The following EDEM1 variants were observed in gnomAD, a reference collection of about 807,000 sequenced individuals.
The protein encoded by EDEM1 is ER degradation enhancing alpha-mannosidase like protein 1.
Under a neutral mutation model 74.4 loss-of-function variants are expected in EDEM1, and 67 were observed. The observed-to-expected ratio is 0.90, with a 90% CI of 0.74 to 1.10. The LOEUF is 1.10. Among genes scored for constraint, EDEM1 ranks in the 50% least tolerant of loss-of-function variants. The pLI is 0.00. For synonymous variants in EDEM1, 382 were observed against 335.9 expected (o/e 1.14, Z -1.50); for missense variants, 926 against 851.6 (o/e 1.09, Z -1.09).
At chr3:5,205,352 C>T in intron 6 of EDEM1, 111 bp downstream of exon 6, 2 of 1,048,360 alleles carry the variant, frequency 1.9e-6, no homozygotes, top group Admixed American at 2.6e-5. Context: ...TCTCTGCCCT[C>T]ACCTTACCAC....
intron 11 of EDEM1, among the ~76,000 whole-genome samples, chr3:5,215,302 G>A (rs531269586): frequency 4.0e-5 from 6 of 150,898 alleles, no homozygotes; most frequent in East Asian, 2.0e-4. Context: ...GGGGGTGGGG[G>A]GGTTTTAATT....
chr3:5,201,848 T>TA lies in EDEM1; in HGVS notation c.783dup (p.Tyr262IlefsTer5). ...ATTAAGGACTATGATAATGAGTTGT[T>TA]ATACATGGCCCATGACCTGGCGGTG... On this transcript the variant is annotated frameshift_variant, in exon 4 of 12. Coordinates refer to ENST00000256497, the MANE Select transcript of EDEM1 (RefSeq NM_014674.3). LOFTEE classifies it high-confidence loss of function. The TA allele has an allele frequency of 6.2e-7, 1 of 1,614,226 alleles. No individual in the cohort carries two copies. Among genetic ancestry groups the TA allele is most frequent in the Non-Finnish European group, 8.5e-7 (1 of 1,180,046 alleles).
At chr3:5,204,172 G>A (rs1213202356) in intron 5 of EDEM1, among the ~76,000 whole-genome samples, 1 of 152,074 alleles carries the variant, frequency 6.6e-6, no homozygotes. Context: ...TGTCACTCCC[G>A]ATTGTCAACT....
intron 2 of EDEM1, 28 bp downstream of exon 2, chr3:5,195,309 T>C (rs763367953): frequency 1.4e-6 from 2 of 1,432,368 alleles, no homozygotes; most frequent in Non-Finnish European, 1.9e-6. Context: ...TTTAAAAAAA[T>C]GAATTAAGAT....
intron 9 of EDEM1, 21 bp from the exon 10 acceptor site, chr3:5,211,099 G>A (rs746663237): frequency 3.7e-6 from 6 of 1,612,084 alleles, no homozygotes; most frequent in Non-Finnish European, 3.4e-6. Flanking sequence ...AGGCAGGACT[G>A]ACCAGATGAT....
At position 5,205,094 on chromosome 3, in the gene EDEM1, A is replaced by G; in HGVS notation, c.1070A>G (p.His357Arg). 10 of 1,614,138 alleles carry G rather than the reference A, an allele frequency of 6.2e-6. No homozygotes were observed. The highest frequency in any genetic ancestry group is 8.5e-6 in the Non-Finnish European group (10 of 1,180,000). The change falls in exon 6 of 12, where the codon CAC becomes CGC. Residue 357 changes from histidine (H) to arginine (R), a missense_variant. Physicochemically the swap from His to Arg is conservative, Grantham distance 29. Transcript: ENST00000256497. ...LGNVVNIQTG[H>R]WVGKQSGLGA... ...AATGTCGTGAACATTCAGACGGGCC[A>G]CTGGGTTGGAAAGCAGAGTGGCCTG... is the stretch of plus-strand genomic sequence containing the variant.
chr3:5,214,655 T>G (rs77104594), intron 11 of EDEM1, among the ~76,000 whole-genome samples: 3,291 of 152,284 alleles, frequency 0.022, 112 homozygotes, highest in African/African-American at 0.075. Context: ...TGAGGGGTGG[T>G]TACTTTTAAC....
rs760720751 is a variant in EDEM1 at position 5,208,207 on chromosome 3, G to A, written c.1453G>A (p.Val485Ile). The change falls in exon 8 of 12, where the codon GTT becomes ATT. Residue 485 changes from valine (V) to isoleucine (I), a missense_variant. By Grantham distance (29) the Val-to-Ile change is conservative. Transcript: ENST00000256497. ...RYNWQLQAPD[V>I]LFYPLRPELV... ...TAACTGGCAGCTGCAGGCCCCTGAC[G>A]TTCTCTTCTACCCACTGAGACCAGA... 1.2e-5 allele frequency: 19 copies of A among 1,613,356 alleles called. No homozygotes were observed. Among genetic ancestry groups the A allele is most frequent in the Middle Eastern group, 1.6e-4 (1 of 6,078 alleles).
intron 3 of EDEM1, among the ~76,000 whole-genome samples, chr3:5,200,155 C>A (rs2055017046): frequency 6.6e-6 from 1 of 152,176 alleles, no homozygotes; most frequent in African/African-American, 2.4e-5. Context: ...TGGTCTCGAA[C>A]TCCTGACCTC....
In EDEM1 at chr3:5,213,377, A is replaced by C. The variant is rs753618481; in HGVS notation, c.1739A>C (p.Glu580Ala). Residue 580 changes from glutamate (E) to alanine (A), a missense_variant, in exon 11 of 12, where the codon GAG becomes GCG. Glu to Ala is a moderately radical substitution (Grantham distance 107). Coordinates refer to ENST00000256497, the MANE Select transcript of EDEM1 (RefSeq NM_014674.3). Reference sequence around the variant, plus strand: ...GGAACCAGATACATGTTCACAACAGAGGGACACATTGTATCTGTGGATGAG... The same window carrying C: ...GGAACCAGATACATGTTCACAACAGCGGGACACATTGTATCTGTGGATGAG... ...KSGTRYMFTT[E>A]GHIVSVDEHL... 6.2e-7 allele frequency: 1 copy of C among 1,614,138 alleles called. No individual in the cohort carries two copies. The highest frequency in any genetic ancestry group is 1.1e-5 in the South Asian group (1 of 91,040).
intron 8 of EDEM1, among the ~76,000 whole-genome samples, chr3:5,208,683 G>T (rs1369194008): frequency 6.6e-6 from 1 of 151,274 alleles, no homozygotes; most frequent in East Asian, 1.9e-4. Flanking sequence ...TCATTTTCTT[G>T]GTTGTAAAGG....
intron 4 of EDEM1, 67 bp from the exon 5 acceptor site, chr3:5,202,899 G>T: frequency 6.7e-7 from 1 of 1,482,252 alleles, no homozygotes; most frequent in Non-Finnish European, 9.3e-7. Flanking sequence ...TAGTCTCTGA[G>T]ACCCGGCTTT....
chr3:5,188,641 T>C (rs188857618), intron 1 of EDEM1, among the ~76,000 whole-genome samples: 1 of 152,274 alleles, frequency 6.6e-6, no homozygotes, highest in Non-Finnish European at 1.5e-5. Flanking sequence ...CTTGGAGGGC[T>C]TTCCACTTCC....
chr3:5,210,780 A>T (rs1409425105), intron 9 of EDEM1, among the ~76,000 whole-genome samples: 1 of 152,148 alleles, frequency 6.6e-6, no homozygotes, highest in Admixed American at 6.5e-5. Flanking sequence ...ATTCTCAATA[A>T]TAAGTCAATT....
At position 5,217,056 on chromosome 3, in the gene EDEM1, A is replaced by C. The variant is rs1264092396; in HGVS notation, c.*1138A>C. On this transcript the variant is annotated 3_prime_UTR_variant, in exon 12 of 12. Coordinates refer to ENST00000256497, the MANE Select transcript of EDEM1 (RefSeq NM_014674.3). ...CCTTATATTGGTTTTGGTTTGGGGCACTGGATGTCGCAGCTACTGCTATGG... is the reference window on the plus strand; with the variant it reads ...CCTTATATTGGTTTTGGTTTGGGGCCCTGGATGTCGCAGCTACTGCTATGG... 6.6e-6 allele frequency: 1 copy of C among 152,618 alleles called. No individual in the cohort carries two copies. Among genetic ancestry groups the C allele is most frequent in the Non-Finnish European group, 1.5e-5 (1 of 68,054 alleles). 9.5% of individuals were successfully genotyped at this position (152,618 alleles called of 1,614,324 possible).
intron 5 of EDEM1, among the ~76,000 whole-genome samples, chr3:5,203,754 T>G (rs1294488641): frequency 6.6e-6 from 1 of 152,184 alleles, no homozygotes; most frequent in East Asian, 1.9e-4. Flanking sequence ...TTATTTTGAG[T>G]TAGGGTCTCA....
At position 5,208,278 on chromosome 3, in the gene EDEM1, T is replaced by C. The variant is rs922074439; in HGVS notation, c.1509+15T>C. ...TCCTCTACCAGGTACTAGAGTTGTG[T>C]TTTTTTTTTTTTCCTTTCACTGCCT... On this transcript the variant is annotated intron_variant, in intron 8 of 11. Coordinates refer to ENST00000256497, the MANE Select transcript of EDEM1 (RefSeq NM_014674.3). The C allele has an allele frequency of 2.8e-6, 2 of 719,526 alleles. No individual in the cohort carries two copies. Among genetic ancestry groups the C allele is most frequent in the Admixed American group, 6.8e-5 (2 of 29,222 alleles). The allele number at this position is 719,526 out of a possible 1,614,324, so 44.6% of individuals were successfully genotyped here.
intron 2 of EDEM1, among the ~76,000 whole-genome samples, chr3:5,196,932 TTTC>T (rs1347026191): frequency 6.7e-6 from 1 of 149,872 alleles, no homozygotes; most frequent in African/African-American, 2.5e-5. Context: ...TTTCTTTTCT[TTTC>T]TTTTTTTTTT....
At position 5,188,260 on chromosome 3, in the gene EDEM1, A is replaced by G. The variant is rs1260828205; in HGVS notation, c.455A>G (p.Gln152Arg). 1.3e-6 allele frequency: 2 copies of G among 1,576,220 alleles called. No homozygotes were observed. Among genetic ancestry groups the G allele is most frequent in the Non-Finnish European group, 1.7e-6 (2 of 1,163,550 alleles). The stretch of plus-strand genomic sequence containing the variant: ...AACTACATGGCTCACGCCTTCCCCC[A>G]GGACGAGCTCAACCCCATCCACTGC... ...YDNYMAHAFP[Q>R]DELNPIHCRG... Residue 152 changes from glutamine to arginine, a missense_variant, in exon 1 of 12, where the codon CAG becomes CGG. By Grantham distance (43) the Gln-to-Arg change is conservative (BLOSUM62 1). Transcript: ENST00000256497.
Sources: allele counts gnomAD v4.1 joint callset (sites outside exome capture counted in the v4.1 genomes callset), GRCh38; gene constraint gnomAD v4.1.1; transcripts MANE v1.5; gene names NCBI Gene and HGNC (gene_info 2026-07-23, HGNC 2026-07-21).